ARHGEF11: variants seen among roughly 807,000 people sequenced by gnomAD.
The protein encoded by ARHGEF11 is Rho guanine exchange factor (GEF) 11.
A neutral mutation model predicts 193.7 loss-of-function variants in ARHGEF11; 55 were observed. That is an observed-to-expected ratio of 0.28 (90% confidence interval 0.23 to 0.36). ARHGEF11 has a LOEUF of 0.36. Among genes scored for constraint, ARHGEF11 ranks in the 10% least tolerant of loss-of-function variants. ARHGEF11 has a pLI of 1.00. For missense variants in ARHGEF11, 1,723 were observed against 2,005.6 expected (o/e 0.86, Z 2.69); for synonymous variants, 693 against 768.0 (o/e 0.90, Z 1.62).
intron 1 of ARHGEF11, among the ~76,000 whole-genome samples, chr1:157,026,835 C>G (rs990995120): frequency 6.6e-6 from 1 of 152,262 alleles, no homozygotes; most frequent in Admixed American, 6.5e-5. Flanking sequence ...TCCTGACCCA[C>G]TGTCTATCAG....
chr1:156,941,977 G>C lies in ARHGEF11; in HGVS notation c.3339C>G (p.Leu1113=). The C allele has an allele frequency of 6.2e-7, 1 of 1,614,138 alleles. No individual in the cohort carries two copies. The highest frequency in any genetic ancestry group is 8.5e-7 in the Non-Finnish European group (1 of 1,180,010). Residue 1113 remains leucine (L), a synonymous_variant, in exon 34 of 41, where the codon CTC becomes CTG. Transcript: ENST00000368194. The stretch of plus-strand genomic sequence containing the variant: ...TGGCATTCCGCACGGCCTCTTCTAA[G>C]AGCTCCATCCATCTGTTGCTCGGCA... ...TSSDKNTWME[L]LEEAVRNATR... is the part of the protein sequence containing the mutation.
intron 1 of ARHGEF11, among the ~76,000 whole-genome samples, chr1:156,997,421 A>G (rs1272137651): frequency 6.6e-6 from 1 of 152,218 alleles, no homozygotes; most frequent in African/African-American, 2.4e-5. Flanking sequence ...CGAAGAAGTA[A>G]TAGGATCAGG....
In ARHGEF11 at chr1:156,937,003, A is replaced by T; in HGVS notation, c.4443T>A (p.Asp1481Glu). 6.2e-7 allele frequency: 1 copy of T among 1,611,784 alleles called. No individual in the cohort carries two copies. Among genetic ancestry groups the T allele is most frequent in the Non-Finnish European group, 8.5e-7 (1 of 1,178,080 alleles). Residue 1481 changes from aspartate to glutamate, a missense_variant and splice_region_variant, in exon 40 of 41, where the codon GAT becomes GAA. By Grantham distance (45) the Asp-to-Glu change is conservative. Transcript: ENST00000368194. ...GCAGCTCTCTGTGGGCCAGCTCCAT[A>T]TCCTGGAAGAGTCGGCGGGGGAATG... Reference protein sequence around the residue: ...QLTLKLNRLKDMELAHRELLK... With the variant: ...QLTLKLNRLKEMELAHRELLK...
intron 1 of ARHGEF11, among the ~76,000 whole-genome samples, chr1:157,013,701 G>GA (rs11436405): frequency 0.18 from 26,833 of 151,966 alleles, 2,435 homozygotes; most frequent in East Asian, 0.33. Context: ...ACTACATTTT[G>GA]AATCTTGACA....
rs75894194 is a variant in ARHGEF11, at chr1:156,994,207, A to T, written c.33-8034T>A. Reference sequence around the variant, plus strand: ...TGAGAACAGGGACCATGTCTTATTCATCCTTGTATCACCAGCTGAGTTCCA... The same window carrying T: ...TGAGAACAGGGACCATGTCTTATTCTTCCTTGTATCACCAGCTGAGTTCCA... On this transcript the variant is annotated intron_variant, in intron 1 of 40. Transcript: ENST00000368194. Among the ~76,000 whole-genome samples, 1,480 of 152,248 alleles carry T rather than the reference A, an allele frequency of 9.7e-3. 20 individuals carry two copies. The highest frequency in any genetic ancestry group is 0.034 in the African/African-American group (1,396 of 41,544).
In ARHGEF11 at chr1:156,947,298, C is replaced by T; in HGVS notation, c.2488+6G>A. 3.8e-6 allele frequency: 6 copies of T among 1,599,778 alleles called. No individual in the cohort carries two copies. The highest frequency in any genetic ancestry group is 5.1e-6 in the Non-Finnish European group (6 of 1,174,752). ...AGAGGAGTCTGGAGGGGCACAGGCT[C>T]CTTACTGTGAATCTCTATGAGTTCA... On this transcript the variant is annotated splice_donor_region_variant and intron_variant, in intron 26 of 40. Coordinates refer to ENST00000368194, the MANE Select transcript of ARHGEF11 (RefSeq NM_198236.3).
At position 156,934,847 on chromosome 1, in the gene ARHGEF11, T is replaced by A. The variant is rs1272122110; in HGVS notation, c.*1153A>T. On this transcript the variant is annotated 3_prime_UTR_variant, in exon 41 of 41. Coordinates refer to ENST00000368194, the MANE Select transcript of ARHGEF11 (RefSeq NM_198236.3). ...AAACACACACACCACCACTGAAGGA[T>A]ATTTAACTTTTCTTAAAAAAAAAAT... 1.3e-5 allele frequency: 2 copies of A among 151,420 alleles called. No homozygotes were observed. The highest frequency in any genetic ancestry group is 2.9e-5 in the Non-Finnish European group (2 of 67,898). The allele number at this position is 151,420 out of a possible 1,614,324, so 9.4% of individuals were successfully genotyped here.
In ARHGEF11 at chr1:156,937,448, G is replaced by A. The variant is rs774027159; in HGVS notation, c.4241C>T (p.Thr1414Ile). The part of the protein sequence containing the change: ...SMPSGPPDSS[T>I]DHSEAPMSPP... Reference sequence around the variant, plus strand: ...GCTCATGGGTGCCTCTGAGTGGTCGGTGCTTGAGTCCGGGGGTCCTGATGG... The same window carrying A: ...GCTCATGGGTGCCTCTGAGTGGTCGATGCTTGAGTCCGGGGGTCCTGATGG... The change falls in exon 39 of 41, where the codon ACC becomes ATC. Residue 1414 changes from threonine to isoleucine, a missense_variant. Physicochemically the swap from Thr to Ile is moderately conservative, Grantham distance 89. Transcript: ENST00000368194. The A allele has an allele frequency of 8.4e-6, 13 of 1,555,356 alleles. No homozygotes were observed. Among genetic ancestry groups the A allele is most frequent in the East Asian group, 2.3e-5 (1 of 44,252 alleles).
intron 21 of ARHGEF11, 74 bp downstream of exon 21, chr1:156,954,818 A>C: frequency 7.8e-7 from 1 of 1,276,808 alleles, no homozygotes; most frequent in Non-Finnish European, 1.1e-6. Flanking sequence ...AGAAAGAAAC[A>C]GAAAAGACAA....
At chr1:156,962,857 C>T (rs562265367) in intron 13 of ARHGEF11, among the ~76,000 whole-genome samples, 6 of 117,856 alleles carry the variant, frequency 5.1e-5, no homozygotes, top group East Asian at 5.7e-4. Context: ...CCAGCCTCGG[C>T]GACAGTGCGA....
intron 11 of ARHGEF11, among the ~76,000 whole-genome samples, chr1:156,966,654 A>G (rs1174671121): frequency 6.6e-6 from 1 of 152,250 alleles, no homozygotes; most frequent in Non-Finnish European, 1.5e-5. Context: ...ATGGCATTAA[A>G]TAATACTGGC....
At chr1:156,952,611 A>G (rs1216647635) in intron 21 of ARHGEF11, among the ~76,000 whole-genome samples, 1 of 152,248 alleles carries the variant, frequency 6.6e-6, no homozygotes, top group Admixed American at 6.5e-5. Flanking sequence ...TGACATCTAC[A>G]TATACAAACT....
intron 1 of ARHGEF11, among the ~76,000 whole-genome samples, chr1:157,035,773 C>G (rs998634150): frequency 7.8e-6 from 1 of 127,768 alleles, no homozygotes. Context: ...TATATATATA[C>G]AGGAATATAT....
chr1:157,035,939 CTATATATAGGAATA>C (rs1671928827), intron 1 of ARHGEF11, among the ~76,000 whole-genome samples: 1 of 50,922 alleles, frequency 2.0e-5, no homozygotes, highest in Non-Finnish European at 4.9e-5. Flanking sequence ...ATATATGAAT[CTATATATAGGAATA>C]TATATATATG....
chr1:156,997,084 G>A (rs535020788), intron 1 of ARHGEF11, among the ~76,000 whole-genome samples: 1 of 151,254 alleles, frequency 6.6e-6, no homozygotes, highest in African/African-American at 2.4e-5. Flanking sequence ...GCCAAGGCTG[G>A]TCTTGAACTC....
chr1:156,945,631 C>T (rs1427646038), intron 29 of ARHGEF11: 1 of 237,016 alleles, frequency 4.2e-6, no homozygotes, highest in African/African-American at 2.3e-5. Flanking sequence ...TGAGGCTAGA[C>T]CCTCTTGTTC....
chr1:157,024,327 G>C (rs1013700749), intron 1 of ARHGEF11, among the ~76,000 whole-genome samples: 11 of 152,086 alleles, frequency 7.2e-5, no homozygotes, highest in Non-Finnish European at 1.6e-4. Context: ...TTATTTTTGG[G>C]GTGATGAAAA....
intron 1 of ARHGEF11, among the ~76,000 whole-genome samples, chr1:157,008,199 A>C (rs1400062778): frequency 6.6e-6 from 1 of 152,172 alleles, no homozygotes; most frequent in African/African-American, 2.4e-5. Flanking sequence ...TTTCACAGAC[A>C]AGGAAACTAA....
At position 156,941,294 on chromosome 1, in the gene ARHGEF11, GC is replaced by G; in HGVS notation, c.3514+77del. The G allele has an allele frequency of 2.2e-6, 3 of 1,379,838 alleles. No individual in the cohort carries two copies. In the South Asian group the frequency reaches 3.5e-5, roughly 16 times the overall value. The allele number at this position is 1,379,838 out of a possible 1,614,324, so 85.5% of individuals were successfully genotyped here. On this transcript the variant is annotated intron_variant, in intron 35 of 40. Transcript: ENST00000368194. ...CCGGGCCCTGATGGACTCTCCCATC[GC>G]CCCCATACTCACACCCAACCTGTGC... is the stretch of plus-strand genomic sequence containing the variant.
Sources: gnomAD v4.1 joint callset for allele counts (sites outside exome capture counted in the v4.1 genomes callset) on GRCh38, gnomAD v4.1.1 for gene constraint, MANE v1.5 for transcripts, NCBI Gene and HGNC (gene_info 2026-07-23, HGNC 2026-07-21) for gene names.